Variants in RNF13 observed in about 807,000 individuals in gnomAD.
The protein encoded by RNF13 is ring finger protein 13.
A neutral mutation model predicts 37.7 loss-of-function variants in RNF13; 19 were observed. The observed-to-expected ratio is 0.50, with a 90% CI of 0.35 to 0.74. The LOEUF (loss-of-function observed/expected upper bound fraction) is 0.74. RNF13 is among the 30% of genes least tolerant of loss of function. The probability of loss-of-function intolerance (pLI) is 0.01; values close to 1 mark genes in which losing one functional copy is unlikely to be tolerated. For missense variants in RNF13, 375 were observed against 453.0 expected (o/e 0.83, Z 1.56); for synonymous variants, 144 against 157.8 (o/e 0.91, Z 0.65).
At chr3:149,822,124 T>C (rs1281408994) in intron 1 of RNF13, among the ~76,000 whole-genome samples, 1 of 152,160 alleles carries the variant, frequency 6.6e-6, no homozygotes, top group East Asian at 1.9e-4. Context: ...TTGGCCTGTT[T>C]AGGGCCCCTT....
At chr3:149,831,415 G>A (rs541625112) in intron 1 of RNF13, among the ~76,000 whole-genome samples, 5 of 152,364 alleles carry the variant, frequency 3.3e-5, no homozygotes, top group African/African-American at 1.2e-4. Context: ...GAGACATGGA[G>A]TCAAAGGAGA....
At chr3:149,937,630 C>G (rs1719834764) in intron 8 of RNF13, among the ~76,000 whole-genome samples, 1 of 152,048 alleles carries the variant, frequency 6.6e-6, no homozygotes, top group Non-Finnish European at 1.5e-5. Context: ...TTTATTTTCA[C>G]TTAGCTCAAA....
At chr3:149,825,108 G>A (rs535269270) in intron 1 of RNF13, among the ~76,000 whole-genome samples, 14 of 151,758 alleles carry the variant, frequency 9.2e-5, no homozygotes, top group African/African-American at 3.4e-4. Context: ...ATAGGTGCAT[G>A]CCACCACACC....
At chr3:149,923,758 C>T (rs1559954533) in intron 8 of RNF13, among the ~76,000 whole-genome samples, 1 of 144,328 alleles carries the variant, frequency 6.9e-6, no homozygotes, top group Non-Finnish European at 1.5e-5. Context: ...GAGCAAGACT[C>T]CATCTCAAAA....
chr3:149,849,547 C>T (rs571404586), intron 2 of RNF13, among the ~76,000 whole-genome samples: 2 of 152,306 alleles, frequency 1.3e-5, no homozygotes, highest in South Asian at 2.1e-4. Context: ...TTTCTTAAGT[C>T]GCAGTTAACT....
chr3:149,896,270 A>G (rs1375273856), intron 5 of RNF13, among the ~76,000 whole-genome samples: 3 of 152,108 alleles, frequency 2.0e-5, no homozygotes, highest in Non-Finnish European at 4.4e-5. Flanking sequence ...CATAACCATA[A>G]TATATTTTGT....
intron 7 of RNF13, among the ~76,000 whole-genome samples, chr3:149,912,444 A>G (rs1384013011): frequency 6.6e-6 from 1 of 152,160 alleles, no homozygotes; most frequent in Non-Finnish European, 1.5e-5. Context: ...TGTAAATTTT[A>G]CCTCAAAACG....
chr3:149,880,492 T>C (rs1474470848), intron 4 of RNF13, among the ~76,000 whole-genome samples: 2 of 152,318 alleles, frequency 1.3e-5, no homozygotes, highest in African/African-American at 4.8e-5. Flanking sequence ...ACTGGTGTGG[T>C]TCATTACAAA....
chr3:149,958,268 G>T (rs1194250391), intron 8 of RNF13, among the ~76,000 whole-genome samples: 2 of 152,160 alleles, frequency 1.3e-5, no homozygotes, highest in Non-Finnish European at 2.9e-5. Context: ...GTGTCAGCAG[G>T]ACTGTGTTCC....
At chr3:149,869,381 G>A (rs1047818006) in intron 3 of RNF13, among the ~76,000 whole-genome samples, 16 of 151,776 alleles carry the variant, frequency 1.1e-4, no homozygotes, top group Admixed American at 8.5e-4. Context: ...TGAGGCGGGC[G>A]GATCACAAGG....
At chr3:149,937,261 G>A (rs1719787062) in intron 8 of RNF13, among the ~76,000 whole-genome samples, 1 of 152,128 alleles carries the variant, frequency 6.6e-6, no homozygotes, top group African/African-American at 2.4e-5. Context: ...TTCCTGCATA[G>A]TAACCCTAGA....
intron 8 of RNF13, among the ~76,000 whole-genome samples, chr3:149,951,685 A>T (rs1318621705): frequency 6.6e-6 from 1 of 152,220 alleles, no homozygotes; most frequent in East Asian, 1.9e-4. Context: ...AAATTTGATA[A>T]TTTCACATTT....
intron 8 of RNF13, among the ~76,000 whole-genome samples, chr3:149,941,530 GTTTT>G (rs61171032): frequency 1.4e-5 from 2 of 144,408 alleles, no homozygotes; most frequent in African/African-American, 5.1e-5. Flanking sequence ...TTTAAATTAG[GTTTT>G]TTTTTTTTTT....
chr3:149,874,005 A>G (rs763752210), intron 4 of RNF13, among the ~76,000 whole-genome samples: 1 of 152,204 alleles, frequency 6.6e-6, no homozygotes, highest in Non-Finnish European at 1.5e-5. Flanking sequence ...TTCTTGAAAA[A>G]CATGTACATA....
intron 8 of RNF13, chr3:149,939,378 C>T (rs1404148606): frequency 1.0e-5 from 5 of 490,844 alleles, no homozygotes; most frequent in Middle Eastern, 6.8e-4. Context: ...GGGGGCAGAT[C>T]GCTTTCCAGA....
intron 1 of RNF13, among the ~76,000 whole-genome samples, chr3:149,833,976 C>G (rs2108345806): frequency 6.6e-6 from 1 of 152,220 alleles, no homozygotes; most frequent in South Asian, 2.1e-4. Context: ...TATAAAGTAA[C>G]AGCGAACTAT....
chr3:149,917,809 C>G (rs1044092176), intron 7 of RNF13, among the ~76,000 whole-genome samples: 2 of 152,114 alleles, frequency 1.3e-5, no homozygotes, highest in African/African-American at 4.8e-5. Flanking sequence ...AAGTGCAGTT[C>G]TATGTCCATT....
At position 149,923,369 on chromosome 3, in the gene RNF13, C is replaced by T. The variant is rs149874263; in HGVS notation, c.700+2142C>T. Among the ~76,000 whole-genome samples, 5 of 152,284 alleles carry T rather than the reference C, an allele frequency of 3.3e-5. No individual in the cohort carries two copies. The East Asian group carries it at 7.7e-4, about 24-fold the overall frequency. On this transcript the variant is annotated intron_variant, in intron 8 of 9. Transcript: ENST00000392894. ...CTTCTCATGTAGCTAAGACTATAGG[C>T]ATGTGCCACTGGGCCCAGCCTGGAT...
At chr3:149,880,874 A>G (rs939764234) in intron 4 of RNF13, among the ~76,000 whole-genome samples, 1 of 152,118 alleles carries the variant, frequency 6.6e-6, no homozygotes, top group African/African-American at 2.4e-5. Context: ...ATTAAAAACT[A>G]TCTATATGAG....
Sources: allele counts gnomAD v4.1 joint callset (sites outside exome capture counted in the v4.1 genomes callset), GRCh38; gene constraint gnomAD v4.1.1; transcripts MANE v1.5; gene names NCBI Gene and HGNC (gene_info 2026-07-23, HGNC 2026-07-21).